The following EHBP1 variants were observed in gnomAD, a reference collection of about 807,000 sequenced individuals.
EHBP1 encodes EH domain-binding protein 1.
Under a neutral mutation model 144.0 loss-of-function variants are expected in EHBP1, and 55 were observed. The ratio of observed to expected loss-of-function variants is 0.38; its 90% CI spans 0.31 to 0.48. The LOEUF is 0.48. Among genes scored for constraint, EHBP1 ranks in the 20% least tolerant of loss-of-function variants. EHBP1 has a pLI of 0.98. For synonymous variants in EHBP1, 469 were observed against 472.7 expected (o/e 0.99, Z 0.10); for missense variants, 1,200 against 1,364.2 (o/e 0.88, Z 1.90).
At position 62,831,075 on chromosome 2, in the gene EHBP1, G is replaced by A; in HGVS notation, c.551G>A (p.Gly184Asp). ...SLMSMKQADI[G>D]NLDDFEEDNE... is the part of the protein sequence containing the mutation. ...ATGAGTATGAAGCAGGCTGACATTG[G>A]CAATTTAGATGACTTCGAAGAAGAT... The change falls in exon 7 of 23, where the codon GGC becomes GAC. Residue 184 changes from glycine (G) to aspartate (D), a missense_variant. By Grantham distance (94) the Gly-to-Asp change is moderately conservative (BLOSUM62 -1). Coordinates refer to ENST00000431489, the MANE Select transcript of EHBP1 (RefSeq NM_001142616.3). 6.2e-7 allele frequency: 1 copy of A among 1,611,984 alleles called. No individual in the cohort carries two copies. The highest frequency in any genetic ancestry group is 8.5e-7 in the Non-Finnish European group (1 of 1,179,294).
intron 5 of EHBP1, among the ~76,000 whole-genome samples, chr2:62,783,740 C>T (rs2152424336): frequency 6.6e-6 from 1 of 152,186 alleles, no homozygotes; most frequent in Admixed American, 6.6e-5. Flanking sequence ...CCTTCCAGGC[C>T]TCCTGGCCTG....
intron 14 of EHBP1, among the ~76,000 whole-genome samples, chr2:62,958,162 C>T (rs2057811835): frequency 1.3e-5 from 2 of 152,068 alleles, no homozygotes; most frequent in African/African-American, 2.4e-5. Context: ...CAGGCCATTG[C>T]TTATGAAGCT....
chr2:62,930,245 C>G (rs1034830535), intron 10 of EHBP1, among the ~76,000 whole-genome samples: 1 of 151,942 alleles, frequency 6.6e-6, no homozygotes, highest in African/African-American at 2.4e-5. Flanking sequence ...AAGACCCTGT[C>G]TCAAGACAAA....
At chr2:62,988,964 C>T (rs2059307013) in intron 15 of EHBP1, among the ~76,000 whole-genome samples, 1 of 152,094 alleles carries the variant, frequency 6.6e-6, no homozygotes, top group African/African-American at 2.4e-5. Context: ...AAACAGGTGA[C>T]CAGGGTTTTC....
chr2:63,008,607 T>C (rs931981227), intron 19 of EHBP1, among the ~76,000 whole-genome samples: 1 of 151,062 alleles, frequency 6.6e-6, no homozygotes, highest in Non-Finnish European at 1.5e-5. Context: ...TTTTTGTACC[T>C]AGAGGTTTTT....
chr2:62,812,730 G>A (rs948869918), intron 5 of EHBP1, among the ~76,000 whole-genome samples: 4 of 152,168 alleles, frequency 2.6e-5, no homozygotes, highest in African/African-American at 4.8e-5. Context: ...GATATCTGGC[G>A]GAAGAAGTAA....
chr2:62,752,823 C>T (rs1472846808), intron 3 of EHBP1, among the ~76,000 whole-genome samples: 1 of 151,998 alleles, frequency 6.6e-6, no homozygotes, highest in African/African-American at 2.4e-5. Flanking sequence ...TGGATTGCAA[C>T]CCTTGCCTTT....
At chr2:62,896,814 G>A (rs915994849) in intron 10 of EHBP1, among the ~76,000 whole-genome samples, 15 of 151,904 alleles carry the variant, frequency 9.9e-5, no homozygotes, top group Non-Finnish European at 1.9e-4. Flanking sequence ...CTCCAAACAG[G>A]CTTTTCTATC....
At chr2:62,721,962 A>G (rs574828863) in intron 2 of EHBP1, among the ~76,000 whole-genome samples, 19 of 152,140 alleles carry the variant, frequency 1.2e-4, no homozygotes, top group African/African-American at 4.3e-4. Context: ...AATAATTCAC[A>G]TATACATTTC....
At chr2:62,820,942 C>G (rs2045937834) in intron 5 of EHBP1, among the ~76,000 whole-genome samples, 1 of 150,756 alleles carries the variant, frequency 6.6e-6, no homozygotes, top group Non-Finnish European at 1.5e-5. Flanking sequence ...TGTTCTGTTT[C>G]TCAAGCTGGG....
chr2:62,923,769 C>A (rs1266486622), intron 10 of EHBP1, among the ~76,000 whole-genome samples: 1 of 152,190 alleles, frequency 6.6e-6, no homozygotes, highest in Non-Finnish European at 1.5e-5. Context: ...TTGCAGTTCA[C>A]CCCTGGCAGG....
intron 1 of EHBP1, among the ~76,000 whole-genome samples, chr2:62,688,812 C>T (rs2033808460): frequency 6.6e-6 from 1 of 152,110 alleles, no homozygotes; most frequent in Non-Finnish European, 1.5e-5. Flanking sequence ...CTGAAATGGG[C>T]AAATCAAAAT....
chr2:62,914,833 G>A (rs972090461), intron 10 of EHBP1, among the ~76,000 whole-genome samples: 19 of 151,990 alleles, frequency 1.3e-4, no homozygotes, highest in African/African-American at 4.6e-4. Context: ...GAATGCCCAA[G>A]TCACATCCCA....
chr2:62,944,451 G>A (rs1574172902), intron 12 of EHBP1, among the ~76,000 whole-genome samples: 1 of 152,102 alleles, frequency 6.6e-6, no homozygotes, highest in South Asian at 2.1e-4. Flanking sequence ...ACACTATTCA[G>A]TATAGGAATA....
chr2:62,786,364 G>T (rs1048070894), intron 5 of EHBP1, among the ~76,000 whole-genome samples: 1 of 152,124 alleles, frequency 6.6e-6, no homozygotes, highest in Non-Finnish European at 1.5e-5. Context: ...AGCTCTCCCA[G>T]TGTAAGTTGC....
At chr2:62,865,439 G>T (rs1342797869) in intron 9 of EHBP1, among the ~76,000 whole-genome samples, 7 of 152,194 alleles carry the variant, frequency 4.6e-5, no homozygotes, top group Non-Finnish European at 7.3e-5. Flanking sequence ...CACAAGCTCA[G>T]TATGAATAGA....
At chr2:62,829,069 A>G (rs1054354797) in intron 6 of EHBP1, among the ~76,000 whole-genome samples, 1 of 151,850 alleles carries the variant, frequency 6.6e-6, no homozygotes, top group Non-Finnish European at 1.5e-5. Context: ...CCATGTTCAC[A>G]CTGCTGTACT....
At chr2:62,877,961 G>A (rs1004843845) in intron 10 of EHBP1, among the ~76,000 whole-genome samples, 2 of 152,136 alleles carry the variant, frequency 1.3e-5, no homozygotes, top group African/African-American at 4.8e-5. Flanking sequence ...GCTAGCAGAA[G>A]ATGACAAATC....
chr2:62,802,766 C>A (rs2044115700), intron 5 of EHBP1, among the ~76,000 whole-genome samples: 3 of 147,608 alleles, frequency 2.0e-5, no homozygotes, highest in Non-Finnish European at 4.5e-5. Context: ...CCTCTGTTGC[C>A]CAGGCTGGAG....
Sources: allele counts gnomAD v4.1 joint callset (sites outside exome capture counted in the v4.1 genomes callset), GRCh38; gene constraint gnomAD v4.1.1; transcripts MANE v1.5; gene names NCBI Gene and HGNC (gene_info 2026-07-23, HGNC 2026-07-21).